The following PCDHGA3 variants were observed in gnomAD, a reference collection of about 807,000 sequenced individuals.
PCDHGA3 encodes protocadherin gamma-A3.
PCDHGA3 carries 40 observed loss-of-function variants against 58.5 expected under a neutral mutation model. The observed-to-expected ratio is 0.68, with a 90% CI of 0.53 to 0.89. PCDHGA3 has a LOEUF of 0.89. Among genes scored for constraint, PCDHGA3 ranks in the 40% least tolerant of loss-of-function variants. The probability of loss-of-function intolerance (pLI) is 0.00; values close to 1 mark genes in which losing one functional copy is unlikely to be tolerated. For synonymous variants in PCDHGA3, 530 were observed against 525.7 expected (o/e 1.01, Z -0.11); for missense variants, 1,223 against 1,195.9 (o/e 1.02, Z -0.33).
intron 1 of PCDHGA3, chr5:141,361,613 C>T: frequency 6.2e-7 from 1 of 1,613,960 alleles, no homozygotes; most frequent in Non-Finnish European, 8.5e-7. Context: ...TCCATCGTAG[C>T]GAGCGACCTG....
At chr5:141,499,730 T>C (rs1412528402) in intron 2 of PCDHGA3, among the ~76,000 whole-genome samples, 1 of 143,912 alleles carries the variant, frequency 6.9e-6, no homozygotes, top group East Asian at 2.1e-4. Context: ...AGTCTCACTC[T>C]CTTGCCCAGG....
intron 1 of PCDHGA3, among the ~76,000 whole-genome samples, chr5:141,386,999 C>T (rs2090777000): frequency 6.6e-6 from 1 of 152,224 alleles, no homozygotes; most frequent in Middle Eastern, 3.4e-3. Context: ...GTATTATCCC[C>T]CTGATAACTT....
chr5:141,383,941 A>G (rs754217444), intron 1 of PCDHGA3: 1 of 1,613,742 alleles, frequency 6.2e-7, no homozygotes, highest in African/African-American at 1.3e-5. Flanking sequence ...TCCAGAAGTG[A>G]CTATGACGTC....
intron 1 of PCDHGA3, chr5:141,361,737 C>A: frequency 1.2e-6 from 2 of 1,613,162 alleles, no homozygotes; most frequent in Non-Finnish European, 1.7e-6. Context: ...CACTGCAGGC[C>A]CGCGACCAGG....
intron 1 of PCDHGA3, chr5:141,430,555 TC>T (rs1232264614): frequency 9.7e-6 from 4 of 411,788 alleles, no homozygotes; most frequent in Non-Finnish European, 1.3e-5. Flanking sequence ...TGTTCACCAA[TC>T]GGGGAGAGAA....
intron 1 of PCDHGA3, chr5:141,365,772 G>T (rs373332121): frequency 1.1e-5 from 18 of 1,613,758 alleles, no homozygotes; most frequent in Admixed American, 3.3e-5. Flanking sequence ...GACCCCGACA[G>T]CGGCGACAAC....
intron 1 of PCDHGA3, chr5:141,475,986 G>T: frequency 2.8e-6 from 3 of 1,089,866 alleles, no homozygotes; most frequent in Non-Finnish European, 3.9e-6. Context: ...CAGCCGGCGA[G>T]CAAATCAACG....
intron 3 of PCDHGA3, among the ~76,000 whole-genome samples, chr5:141,509,437 C>T (rs923580110): frequency 2.6e-5 from 4 of 152,104 alleles, no homozygotes; most frequent in African/African-American, 9.7e-5. Context: ...ACTCTTGTTT[C>T]CTCCTCTCCC....
chr5:141,511,581 T>C lies in PCDHGA3; in HGVS notation c.*408T>C, dbSNP rs2099883862. ...TCTTTCCCGAGTAAGGTGGTTGGGG[T>C]GTTGAAGTACCAAGTAACCTACAAG... On this transcript the variant is annotated 3_prime_UTR_variant, in exon 4 of 4. Transcript: ENST00000253812. 1 of 281,638 alleles carries C rather than the reference T, an allele frequency of 3.6e-6. No homozygotes were observed. The highest frequency in any genetic ancestry group is 2.2e-5 in the African/African-American group (1 of 46,302). 17.4% of individuals were successfully genotyped at this position (281,638 alleles called of 1,614,324 possible). A position where few individuals can be genotyped will look rare whatever the true frequency, so the allele number is the denominator to read the frequency against.
In PCDHGA3 at chr5:141,431,211, G is replaced by A. The variant is rs1054638121; in HGVS notation, c.2425-63596G>A. The A allele has an allele frequency of 6.2e-7, 1 of 1,614,004 alleles. No individual in the cohort carries two copies. The highest frequency in any genetic ancestry group is 1.7e-5 in the Admixed American group (1 of 60,006). ...AGTGAAAATGCAGCCACTGAGATGC[G>A]GTTCCCTCTACCCCACGCCTGGGAT... On this transcript the variant is annotated intron_variant, in intron 1 of 3. Coordinates refer to ENST00000253812, the MANE Select transcript of PCDHGA3 (RefSeq NM_018916.4). This position sits in a 1 kb window ranked among gnomAD's most constrained non-coding sequence, Gnocchi z 4.8.
chr5:141,421,433 C>T, intron 1 of PCDHGA3: 1 of 1,614,074 alleles, frequency 6.2e-7, no homozygotes, highest in African/African-American at 1.3e-5. Flanking sequence ...CGCATCGTCT[C>T]CAGAGGGAAG....
At chr5:141,356,568 C>T (rs772202160) in intron 1 of PCDHGA3, 1 of 1,614,150 alleles carries the variant, frequency 6.2e-7, no homozygotes, top group South Asian at 1.1e-5. Flanking sequence ...CTCATGCTTC[C>T]TACTCTGCTT....
rs372245447 is a variant in PCDHGA3, at chr5:141,489,609, C to T, written c.2425-5198C>T. ...AGCTAATCCGTGTAGAGGTAGAGAT[C>T]CTGGATCTCAATGACAACTCTCCTA... On this transcript the variant is annotated intron_variant, in intron 1 of 3. Coordinates refer to ENST00000253812, the MANE Select transcript of PCDHGA3 (RefSeq NM_018916.4). This position sits in a 1 kb window ranked among gnomAD's most constrained non-coding sequence, Gnocchi z 4.5. The T allele has an allele frequency of 1.9e-6, 3 of 1,613,934 alleles. No homozygotes were observed. The African/African-American group carries it at 4.0e-5, about 22-fold the overall frequency.
At chr5:141,376,483 G>T (rs139873493) in intron 1 of PCDHGA3, 17,785 of 1,614,172 alleles carry the variant, frequency 0.011, 127 homozygotes, top group Non-Finnish European at 0.012. Context: ...TACTTGAAAC[G>T]AAAGGAGAAC....
chr5:141,505,596 T>G (rs2099846990), intron 3 of PCDHGA3, 115 bp downstream of exon 3: 1 of 1,562,168 alleles, frequency 6.4e-7, no homozygotes, highest in African/African-American at 1.4e-5. Context: ...CTCCAGATCT[T>G]TCGGCAGGTC....
At chr5:141,478,428 C>G in intron 1 of PCDHGA3, 1 of 1,613,746 alleles carries the variant, frequency 6.2e-7, no homozygotes. Flanking sequence ...CGCAGCGACC[C>G]GCTGCTGAAG....
intron 1 of PCDHGA3, among the ~76,000 whole-genome samples, chr5:141,467,823 T>A (rs1225960296): frequency 1.3e-5 from 2 of 152,012 alleles, no homozygotes; most frequent in African/African-American, 2.4e-5. Flanking sequence ...CACACCAGGC[T>A]GATTTTTATA....
At position 141,431,754 on chromosome 5, in the gene PCDHGA3, A is replaced by C; in HGVS notation, c.2425-63053A>C. ...AATGCAGGATATTCTGCGCGAGCCA[A>C]AGTCCTGATCACTGTTCTGGACGTG... On this transcript the variant is annotated intron_variant, in intron 1 of 3. Transcript: ENST00000253812. The surrounding 1 kb of genome is among the most constrained non-coding windows in gnomAD (Gnocchi z 4.8). The C allele has an allele frequency of 6.2e-7, 1 of 1,614,208 alleles. No individual in the cohort carries two copies. Among genetic ancestry groups the C allele is most frequent in the Middle Eastern group, 1.6e-4 (1 of 6,062 alleles).
intron 2 of PCDHGA3, among the ~76,000 whole-genome samples, chr5:141,496,767 T>C (rs2099771224): frequency 6.6e-6 from 1 of 152,040 alleles, no homozygotes; most frequent in Non-Finnish European, 1.5e-5. Flanking sequence ...ATCGAGCATC[T>C]ACTATGAGCA....
Sources: allele counts gnomAD v4.1 joint callset (sites outside exome capture counted in the v4.1 genomes callset), GRCh38; gene constraint gnomAD v4.1.1; non-coding constraint Gnocchi (gnomAD v3.1); transcripts MANE v1.5; gene names NCBI Gene and HGNC (gene_info 2026-07-23, HGNC 2026-07-21).